Variants in RASGRP1 observed in about 807,000 individuals in gnomAD.
RASGRP1 encodes RAS guanyl-releasing protein 1.
Under a neutral mutation model 95.1 loss-of-function variants are expected in RASGRP1, and 37 were observed. That is an observed-to-expected ratio of 0.39 (90% CI 0.30 to 0.51). RASGRP1 has a LOEUF of 0.51. Among genes scored for constraint, RASGRP1 ranks in the 20% least tolerant of loss-of-function variants. The probability of loss-of-function intolerance (pLI) is 0.80; values close to 1 mark genes in which losing one functional copy is unlikely to be tolerated. For missense variants in RASGRP1, 711 were observed against 965.4 expected (o/e 0.74, Z 3.49); for synonymous variants, 325 against 353.4 (o/e 0.92, Z 0.90).
chr15:38,494,330 G>A (rs1890712479), intron 16 of RASGRP1, 52 bp downstream of exon 16: 1 of 1,593,842 alleles, frequency 6.3e-7, no homozygotes, highest in Middle Eastern at 1.7e-4. Context: ...TCCTGGTTTG[G>A]CCCCACTTCT....
chr15:38,543,207 A>AT (rs1270325723), intron 2 of RASGRP1, among the ~76,000 whole-genome samples: 1 of 151,752 alleles, frequency 6.6e-6, no homozygotes, highest in East Asian at 1.9e-4. Context: ...GATTCATCTC[A>AT]TTTTTTGTGT....
In RASGRP1 at chr15:38,564,647, C is replaced by G; in HGVS notation, c.-19G>C. On this transcript the variant is annotated 5_prime_UTR_variant, in exon 1 of 17. Transcript: ENST00000310803. ...TGCCCATGGCCGCGGCCCGCGCTCCCGGTGCCGGCTCACCTAGCGCGGCCG... is the reference window on the plus strand; with the variant it reads ...TGCCCATGGCCGCGGCCCGCGCTCCGGGTGCCGGCTCACCTAGCGCGGCCG... 1 of 1,318,082 alleles carries G rather than the reference C, an allele frequency of 7.6e-7. No individual in the cohort carries two copies. The highest frequency in any genetic ancestry group is 9.7e-7 in the Non-Finnish European group (1 of 1,027,304). 81.6% of individuals were successfully genotyped at this position (1,318,082 alleles called of 1,614,324 possible). A position where few individuals can be genotyped will look rare whatever the true frequency, so the allele number is the denominator to read the frequency against.
At chr15:38,532,079 A>G (rs1892463009) in intron 2 of RASGRP1, among the ~76,000 whole-genome samples, 2 of 152,332 alleles carry the variant, frequency 1.3e-5, no homozygotes, top group East Asian at 1.9e-4. Flanking sequence ...GTCAAGGAAG[A>G]TCTACCTTCC....
chr15:38,519,426 T>G (rs1248290470), intron 3 of RASGRP1, 55 bp from the exon 4 acceptor site: 13 of 1,303,508 alleles, frequency 1.0e-5, no homozygotes, highest in Non-Finnish European at 1.4e-5. Flanking sequence ...CAAACGACTT[T>G]TCATCTTTGG....
intron 2 of RASGRP1, among the ~76,000 whole-genome samples, chr15:38,541,000 G>A (rs1892836432): frequency 6.6e-6 from 1 of 152,132 alleles, no homozygotes; most frequent in African/African-American, 2.4e-5. Context: ...CAACTCCTTG[G>A]TTTGCTCCTG....
At chr15:38,543,389 T>C (rs1483520865) in intron 2 of RASGRP1, among the ~76,000 whole-genome samples, 1 of 152,184 alleles carries the variant, frequency 6.6e-6, no homozygotes, top group African/African-American at 2.4e-5. Context: ...GTACCACTGA[T>C]ATATTTGTCT....
intron 9 of RASGRP1, among the ~76,000 whole-genome samples, chr15:38,506,977 G>A (rs949776602): frequency 1.3e-5 from 2 of 152,148 alleles, no homozygotes; most frequent in African/African-American, 4.8e-5. Context: ...TGAAGCCCAG[G>A]GTTCTATCAA....
At chr15:38,538,383 T>G (rs1892741904) in intron 2 of RASGRP1, among the ~76,000 whole-genome samples, 2 of 152,218 alleles carry the variant, frequency 1.3e-5, no homozygotes, top group African/African-American at 4.8e-5. Context: ...ACAATGTTGT[T>G]ACTTATTGGA....
Position 38,508,096 on chromosome 15 carries a change from T to C in RASGRP1, c.967-95A>G. Reference sequence around the variant, plus strand: ...CATGTTTGCATCCTGTGCCATGATCTCACCCCATCCAGAATTTGTTGAGCA... The same window carrying C: ...CATGTTTGCATCCTGTGCCATGATCCCACCCCATCCAGAATTTGTTGAGCA... On this transcript the variant is annotated intron_variant, in intron 8 of 16. Transcript: ENST00000310803. 2.2e-6 allele frequency: 3 copies of C among 1,382,206 alleles called. No homozygotes were observed. In the South Asian group the frequency reaches 4.3e-5, roughly 20 times the overall value. The allele number at this position is 1,382,206 out of a possible 1,614,324, so 85.6% of individuals were successfully genotyped here. A position where few individuals can be genotyped will look rare whatever the true frequency, so the allele number is the denominator to read the frequency against.
intron 16 of RASGRP1, among the ~76,000 whole-genome samples, chr15:38,492,122 T>G (rs1263712021): frequency 1.3e-5 from 2 of 152,212 alleles, no homozygotes; most frequent in Non-Finnish European, 2.9e-5. Flanking sequence ...TTTCATCATT[T>G]TTAGAAGTTG....
intron 10 of RASGRP1, 94 bp from the exon 11 acceptor site, chr15:38,503,470 T>C (rs1166523284): frequency 3.2e-6 from 3 of 952,120 alleles, no homozygotes; most frequent in Non-Finnish European, 4.9e-6. Context: ...GTTACATTTA[T>C]GGACAATCTT....
intron 3 of RASGRP1, among the ~76,000 whole-genome samples, chr15:38,525,128 C>T (rs1246268190): frequency 2.0e-5 from 3 of 151,868 alleles, no homozygotes; most frequent in Admixed American, 6.6e-5. Context: ...TCACCATGCC[C>T]GGCTAATTTT....
intron 8 of RASGRP1, among the ~76,000 whole-genome samples, chr15:38,509,918 A>G (rs1891433422): frequency 6.6e-6 from 1 of 152,182 alleles, no homozygotes; most frequent in African/African-American, 2.4e-5. Flanking sequence ...TTTCTCCACA[A>G]TGAAGAACTT....
chr15:38,538,485 C>A (rs1566931492), intron 2 of RASGRP1, among the ~76,000 whole-genome samples: 1 of 152,132 alleles, frequency 6.6e-6, no homozygotes, highest in Non-Finnish European at 1.5e-5. Context: ...GTTTAGCCAC[C>A]CCCGTCTTCT....
chr15:38,516,084 T>G, intron 6 of RASGRP1, 113 bp downstream of exon 6: 1 of 1,268,950 alleles, frequency 7.9e-7, no homozygotes, highest in South Asian at 1.4e-5. Flanking sequence ...CAGGAAAGCC[T>G]GCCACGACTT....
At chr15:38,527,455 C>G (rs574789347) in intron 2 of RASGRP1, among the ~76,000 whole-genome samples, 1 of 152,250 alleles carries the variant, frequency 6.6e-6, no homozygotes, top group African/African-American at 2.4e-5. Context: ...TCCTTTGGCC[C>G]CCTGGCCCCA....
chr15:38,502,394 G>A lies in RASGRP1; in HGVS notation c.1456C>T (p.Gln486Ter). The change falls in exon 12 of 17, where the codon CAG (glutamine) becomes TAG (stop). Residue 486 changes from glutamine to a stop codon, truncating the protein, a stop_gained. Coordinates refer to ENST00000310803, the MANE Select transcript of RASGRP1 (RefSeq NM_005739.4). LOFTEE classifies it high-confidence loss of function. ...DSVFKNYDHD[Q>*]DGYISQEEFE... is the part of the protein sequence containing the mutation. ...TCTTCCTGAGAAATGTATCCATCCT[G>A]GTCGTGATCATAGTTCTTGAAGACA... 6.2e-7 allele frequency: 1 copy of A among 1,603,262 alleles called. No individual in the cohort carries two copies. The highest frequency in any genetic ancestry group is 8.5e-7 in the Non-Finnish European group (1 of 1,170,330).
Position 38,490,257 on chromosome 15 carries a change from A to C in RASGRP1, c.*297T>G, listed in dbSNP as rs944343369. On this transcript the variant is annotated 3_prime_UTR_variant, in exon 17 of 17. Transcript: ENST00000310803. ...AGAATCAGCCAGGCAGGCCACCGAG[A>C]TGCCCCATTGTCAGGAAATGATAGT... 8.5e-6 allele frequency: 2 copies of C among 235,874 alleles called. No individual in the cohort carries two copies. Among genetic ancestry groups the C allele is most frequent in the Admixed American group, 1.1e-4 (2 of 17,752 alleles). 14.6% of individuals were successfully genotyped at this position (235,874 alleles called of 1,614,324 possible).
At chr15:38,542,131 C>A (rs1252882568) in intron 2 of RASGRP1, among the ~76,000 whole-genome samples, 1 of 152,046 alleles carries the variant, frequency 6.6e-6, no homozygotes, top group African/African-American at 2.4e-5. Context: ...GAGTTCAAGT[C>A]TTCAATAAGC....
Sources: gnomAD v4.1 joint callset for allele counts (sites outside exome capture counted in the v4.1 genomes callset) on GRCh38, gnomAD v4.1.1 for gene constraint, MANE v1.5 for transcripts, NCBI Gene and HGNC (gene_info 2026-07-23, HGNC 2026-07-21) for gene names.